RBFOX1: variants seen among roughly 807,000 people sequenced by gnomAD.
RBFOX1 encodes the protein RNA binding protein fox-1 homolog 1.
A neutral mutation model predicts 57.7 loss-of-function variants in RBFOX1; 8 were observed. That is an observed-to-expected ratio of 0.14 (90% confidence interval 0.08 to 0.25). The LOEUF (loss-of-function observed/expected upper bound fraction) is 0.25, where lower values mean the gene tolerates loss of function less well. Among genes scored for constraint, RBFOX1 ranks in the 10% least tolerant of loss-of-function variants. The pLI is 1.00. For synonymous variants in RBFOX1, 326 were observed against 222.4 expected (o/e 1.47, Z -4.15); for missense variants, 611 against 548.5 (o/e 1.11, Z -1.14).
Position 6,864,990 on chromosome 16 carries a change from TTTTTC to T in RBFOX1, c.-15-187062_-15-187058del, listed in dbSNP as rs1275839686. Among the ~76,000 whole-genome samples the T allele has an allele frequency of 2.8e-3, 241 of 85,808 alleles. 6 individuals are homozygous for T. Among genetic ancestry groups the T allele is most frequent in the African/African-American group, 0.013 (204 of 15,398 alleles). 56.3% of individuals were successfully genotyped at this position (85,808 alleles called of 152,430 possible). ...GTGCCAATGTTGGAGTGGGTTTTTC[TTTTTC>T]TTTTTTTTTTTTTTTTTTTTTTTTG... On this transcript the variant is annotated intron_variant, in intron 3 of 15. Coordinates refer to ENST00000550418, the MANE Select transcript of RBFOX1 (RefSeq NM_018723.4).
intron 4 of RBFOX1, among the ~76,000 whole-genome samples, chr16:7,506,370 C>G (rs928413306): frequency 6.6e-6 from 1 of 151,964 alleles, no homozygotes; most frequent in African/African-American, 2.4e-5. Context: ...TGAGCATGAG[C>G]AAGTAATCCC....
Position 7,064,446 on chromosome 16 carries a change from G to C in RBFOX1, c.27+12348G>C, listed in dbSNP as rs577344384. Among the ~76,000 whole-genome samples the C allele has an allele frequency of 4.2e-3, 633 of 152,234 alleles. 5 individuals carry two copies. Among genetic ancestry groups the C allele is most frequent in the African/African-American group, 0.015 (611 of 41,526 alleles). On this transcript the variant is annotated intron_variant, in intron 4 of 15. Coordinates refer to ENST00000550418, the MANE Select transcript of RBFOX1 (RefSeq NM_018723.4). ...AGCCTCCCAAAGTGTTGGGTTTACA[G>C]GTGTGAGCCACCATGCCTGGCTGGG...
intron 2 of RBFOX1, among the ~76,000 whole-genome samples, chr16:5,492,724 A>C (rs926275608): frequency 2.6e-5 from 4 of 152,240 alleles, no homozygotes; most frequent in African/African-American, 9.6e-5. Flanking sequence ...AAGATCCGTC[A>C]GTGCCCCCAG....
intron 2 of RBFOX1, among the ~76,000 whole-genome samples, chr16:5,566,651 T>C (rs1375920713): frequency 7.5e-6 from 1 of 134,108 alleles, no homozygotes; most frequent in Non-Finnish European, 1.5e-5. Context: ...TGTGTATATA[T>C]GTGTATATAT....
rs1440154570 is a variant in RBFOX1 at position 5,955,398 on chromosome 16, AAATAAAAT to A, written c.351+88066_351+88073del. Among the ~76,000 whole-genome samples the A allele has an allele frequency of 5.1e-4, 38 of 74,870 alleles. 2 individuals carry two copies. The highest frequency in any genetic ancestry group is 1.9e-3 in the African/African-American group (37 of 19,846). 49.1% of individuals were successfully genotyped at this position (74,870 alleles called of 152,430 possible). ...AAATAAAATAAAATAAAATAAAATA[AAATAAAAT>A]AAAATAAAAGTCTTTCCTCAGTGCC... On this transcript the variant is annotated intron_variant, in intron 4 of 19. Transcript: ENST00000641259.
intron 2 of RBFOX1, among the ~76,000 whole-genome samples, chr16:5,594,834 A>G (rs2047128345): frequency 6.6e-6 from 1 of 152,014 alleles, no homozygotes; most frequent in Non-Finnish European, 1.5e-5. Flanking sequence ...AAGTATTTAT[A>G]TACACAAAAA....
intron 1 of RBFOX1, among the ~76,000 whole-genome samples, chr16:6,131,317 G>C (rs1281027631): frequency 6.6e-6 from 1 of 152,156 alleles, no homozygotes; most frequent in African/African-American, 2.4e-5. Flanking sequence ...AATGTTATTG[G>C]TACTTTGCTG....
rs913718167 is a variant in RBFOX1, at chr16:5,946,115, A to G, written c.351+78780A>G. On this transcript the variant is annotated intron_variant, in intron 4 of 19. Coordinates refer to the RBFOX1 transcript ENST00000641259. The surrounding 1 kb of genome is among the most constrained non-coding windows in gnomAD (Gnocchi z 4.6). The stretch of plus-strand genomic sequence containing the variant: ...CTTACCCGCTATTCTTGTCTTTTTA[A>G]AAAAGATTTTGTTAATAGACCACCA... Among the ~76,000 whole-genome samples, 1 of 152,184 alleles carries G rather than the reference A, an allele frequency of 6.6e-6. No homozygotes were observed. Among genetic ancestry groups the G allele is most frequent in the African/African-American group, 2.4e-5 (1 of 41,438 alleles).
At chr16:6,071,992 C>T (rs186493240) in intron 1 of RBFOX1, among the ~76,000 whole-genome samples, 2 of 152,072 alleles carry the variant, frequency 1.3e-5, no homozygotes, top group African/African-American at 4.8e-5. Context: ...AGTCAGTTCT[C>T]ACATTGCTAA....
chr16:6,032,439 A>T (rs1336178381), intron 1 of RBFOX1, among the ~76,000 whole-genome samples: 2 of 152,212 alleles, frequency 1.3e-5, no homozygotes, highest in Non-Finnish European at 2.9e-5. Context: ...GAAAGAAAGA[A>T]AGAAAGGGAT....
intron 4 of RBFOX1, among the ~76,000 whole-genome samples, chr16:5,909,777 C>A (rs1033338944): frequency 6.6e-6 from 1 of 152,072 alleles, no homozygotes; most frequent in Admixed American, 6.5e-5. Context: ...CGTGGCTGGG[C>A]GTGGTGGCTC....
intron 1 of RBFOX1, among the ~76,000 whole-genome samples, chr16:5,342,181 G>A (rs1474363406): frequency 6.6e-6 from 1 of 152,130 alleles, no homozygotes; most frequent in Non-Finnish European, 1.5e-5. Flanking sequence ...TTCTCACACA[G>A]TTGTTTTACT....
intron 2 of RBFOX1, among the ~76,000 whole-genome samples, chr16:5,590,216 C>G (rs530462047): frequency 2.6e-5 from 4 of 152,046 alleles, no homozygotes; most frequent in Non-Finnish European, 4.4e-5. Flanking sequence ...CATAGTCAGT[C>G]AAATAAATTG....
chr16:6,912,318 G>A (rs922021922), intron 3 of RBFOX1, among the ~76,000 whole-genome samples: 1 of 152,088 alleles, frequency 6.6e-6, no homozygotes, highest in African/African-American at 2.4e-5. Context: ...AATAGCTCTG[G>A]GGTGGAGCTC....
At chr16:7,474,346 T>A (rs1385022089) in intron 4 of RBFOX1, among the ~76,000 whole-genome samples, 1 of 152,156 alleles carries the variant, frequency 6.6e-6, no homozygotes, top group African/African-American at 2.4e-5. Context: ...GCTGTTATGC[T>A]GCTGAGTAAA....
rs397969435 is a variant in RBFOX1, at chr16:6,448,156, CTTTTTTTTT to C, written c.-64+131112_-64+131120del. Among the ~76,000 whole-genome samples the C allele has an allele frequency of 3.8e-3, 300 of 78,476 alleles. 1 individual carries two copies. The highest frequency in any genetic ancestry group is 0.02 in the Middle Eastern group (2 of 98). 51.5% of individuals were successfully genotyped at this position (78,476 alleles called of 152,430 possible). ...TTCTTTTTTTTCTTTTCTTTTCTTT[CTTTTTTTTT>C]TTTTTTTTTTTTGAGATGGAATCCT... is the stretch of plus-strand genomic sequence containing the variant. On this transcript the variant is annotated intron_variant, in intron 2 of 15. Coordinates refer to ENST00000550418, the MANE Select transcript of RBFOX1 (RefSeq NM_018723.4).
chr16:7,151,447 G>C (rs184492705), intron 4 of RBFOX1, among the ~76,000 whole-genome samples: 1 of 152,076 alleles, frequency 6.6e-6, no homozygotes, highest in African/African-American at 2.4e-5. Flanking sequence ...TTACTTGTTC[G>C]TCATCCTTCA....
chr16:6,928,458 TGAG>T (rs1347170714), intron 3 of RBFOX1, among the ~76,000 whole-genome samples: 1 of 152,132 alleles, frequency 6.6e-6, no homozygotes, highest in Non-Finnish European at 1.5e-5. Context: ...AGGACATGCT[TGAG>T]GAAAGAACGT....
chr16:6,946,404 A>G (rs147785589), intron 3 of RBFOX1, among the ~76,000 whole-genome samples: 82 of 152,292 alleles, frequency 5.4e-4, no homozygotes, highest in African/African-American at 1.8e-3. Context: ...AGCAAGCTCT[A>G]CGCTTATTGC....
Sources: gnomAD v4.1 joint callset for allele counts (sites outside exome capture counted in the v4.1 genomes callset) on GRCh38, gnomAD v4.1.1 for gene constraint, Gnocchi (gnomAD v3.1) non-coding constraint, MANE v1.5 for transcripts, NCBI Gene and HGNC (gene_info 2026-07-23, HGNC 2026-07-21) for gene names.